The following BCL11B variants were observed in gnomAD, a reference collection of about 807,000 sequenced individuals.
BCL11B encodes the protein BCL11 transcription factor B, also known as B-cell lymphoma/leukemia 11B.
A neutral mutation model predicts 49.9 loss-of-function variants in BCL11B; 8 were observed. The ratio of observed to expected loss-of-function variants is 0.16; its 90% CI spans 0.09 to 0.29. The LOEUF is 0.29. BCL11B is among the 10% of genes least tolerant of loss of function. The pLI is 1.00. For missense variants in BCL11B, 1,006 were observed against 1,351.0 expected, an observed-to-expected ratio of 0.74 and a Z score of 4.00; for synonymous variants, 739 against 637.4, an observed-to-expected ratio of 1.16 and a Z score of -2.40.
intron 3 of BCL11B, among the ~76,000 whole-genome samples, chr14:99,212,090 A>G (rs1887704618): frequency 6.6e-6 from 1 of 151,978 alleles, no homozygotes. Context: ...CATCATCCCT[A>G]CACTTTGTCT....
At chr14:99,182,336 C>T (rs953459817) in intron 3 of BCL11B, among the ~76,000 whole-genome samples, 6 of 152,152 alleles carry the variant, frequency 3.9e-5, no homozygotes, top group African/African-American at 9.7e-5. Context: ...ATAGGGGATC[C>T]GCCTGGGGCT....
intron 3 of BCL11B, among the ~76,000 whole-genome samples, chr14:99,204,722 C>T (rs1409439900): frequency 2.0e-5 from 3 of 152,238 alleles, no homozygotes; most frequent in Non-Finnish European, 4.4e-5. Flanking sequence ...TTTTCCCCCA[C>T]ATCCAGACAG....
At chr14:99,230,995 G>C (rs538607019) in intron 3 of BCL11B, among the ~76,000 whole-genome samples, 3 of 152,308 alleles carry the variant, frequency 2.0e-5, no homozygotes, top group South Asian at 4.2e-4. Flanking sequence ...TGTCTGGGGT[G>C]GGGGAGGGGG....
chr14:99,174,714 A>G lies in BCL11B; in HGVS notation c.2122T>C (p.Tyr708His). 6.4e-7 allele frequency: 1 copy of G among 1,563,878 alleles called. No homozygotes were observed. The highest frequency in any genetic ancestry group is 8.6e-7 in the Non-Finnish European group (1 of 1,156,238). Residue 708 changes from tyrosine (Y) to histidine (H), a missense_variant, in exon 4 of 4, where the codon TAC (tyrosine) becomes CAC (histidine). Physicochemically the swap from Tyr to His is moderately conservative, Grantham distance 83 (BLOSUM62 2). This residue lies in a region of BCL11B where 443 missense variants were observed against 499.7 expected (regional missense o/e 0.89). Transcript: ENST00000357195. ...GCGTAGCCCACCAGCCACTGCGAGTACACGTTCTCGGACGGGATGAGCGCG... is the reference window on the plus strand; with the variant it reads ...GCGTAGCCCACCAGCCACTGCGAGTGCACGTTCTCGGACGGGATGAGCGCG... ...PAALIPSENV[Y>H]SQWLVGYAAS...
At position 99,255,405 on chromosome 14, in the gene BCL11B, GAAAAAAAAAAA is replaced by G. The variant is rs67440207; in HGVS notation, c.427+2055_427+2065del. Reference sequence around the variant, plus strand: ...TAGGCTGCTGCAGTATCACAACCTGGAAAAAAAAAAAAAAAAAAAAAAAAAAAAAACAGGGG... The same window carrying G: ...TAGGCTGCTGCAGTATCACAACCTGGAAAAAAAAAAAAAAAAAAACAGGGG... On this transcript the variant is annotated intron_variant, in intron 2 of 3. Transcript: ENST00000357195. Among the ~76,000 whole-genome samples, 422 of 65,174 alleles carry G rather than the reference GAAAAAAAAAAA, an allele frequency of 6.5e-3. 2 individuals are homozygous for G. The Middle Eastern group carries it at 0.069, about 11-fold the overall frequency. 42.8% of individuals were successfully genotyped at this position (65,174 alleles called of 152,430 possible). A position where few individuals can be genotyped will look rare whatever the true frequency, so the allele number is the denominator to read the frequency against.
At chr14:99,265,991 C>T (rs931307571) in intron 1 of BCL11B, among the ~76,000 whole-genome samples, 3 of 152,124 alleles carry the variant, frequency 2.0e-5, no homozygotes, top group Admixed American at 6.5e-5. Context: ...ATATATTCCC[C>T]ATCACTAGAT....
At chr14:99,210,936 T>C (rs1595249322) in intron 3 of BCL11B, among the ~76,000 whole-genome samples, 1 of 151,868 alleles carries the variant, frequency 6.6e-6, no homozygotes, top group East Asian at 1.9e-4. Context: ...ATAAGATCAA[T>C]AGACACCTTC....
Position 99,174,686 on chromosome 14 carries a change from G to T in BCL11B, c.2150C>A (p.Ala717Glu). Residue 717 changes from alanine to glutamate, a missense_variant, in exon 4 of 4, where the codon GCG becomes GAG. By Grantham distance (107) the Ala-to-Glu change is moderately radical. Coordinates refer to ENST00000357195, the MANE Select transcript of BCL11B (RefSeq NM_138576.4). Reference protein sequence around the residue: ...VYSQWLVGYAASRHFMKDPFL... With the variant: ...VYSQWLVGYAESRHFMKDPFL... ...GGGGTCCTTCATGAAGTGCCGCGAC[G>T]CCGCGTAGCCCACCAGCCACTGCGA... The T allele has an allele frequency of 1.9e-6, 3 of 1,574,882 alleles. No individual in the cohort carries two copies. Among genetic ancestry groups the T allele is most frequent in the Non-Finnish European group, 1.7e-6 (2 of 1,163,186 alleles).
At chr14:99,252,744 G>A (rs1283284599) in intron 2 of BCL11B, among the ~76,000 whole-genome samples, 1 of 152,248 alleles carries the variant, frequency 6.6e-6, no homozygotes, top group Non-Finnish European at 1.5e-5. Context: ...GACTTGGAGG[G>A]TTACGGAGGC....
rs1216488923 is a variant in BCL11B at position 99,271,305 on chromosome 14, T to TGCCGCCGCCGCCGCCGCCGCC, written c.-88_-87insGGCGGCGGCGGCGGCGGCGGC. On this transcript the variant is annotated 5_prime_UTR_variant, in exon 1 of 4. Transcript: ENST00000357195. Reference sequence around the variant, plus strand: ...GGGGTCCGAGCCGCCGCCGCGCCGCTGCCGCCGCTGCCGCCGCCGCCGCCG... The same window carrying TGCCGCCGCCGCCGCCGCCGCC: ...GGGGTCCGAGCCGCCGCCGCGCCGCTGCCGCCGCCGCCGCCGCCGCCGCCGCCGCTGCCGCCGCCGCCGCCG... 2 of 850,706 alleles carry TGCCGCCGCCGCCGCCGCCGCC rather than the reference T, an allele frequency of 2.4e-6. No individual in the cohort carries two copies. Among genetic ancestry groups the TGCCGCCGCCGCCGCCGCCGCC allele is most frequent in the Non-Finnish European group, 3.1e-6 (2 of 649,892 alleles). The allele number at this position is 850,706 out of a possible 1,614,324, so 52.7% of individuals were successfully genotyped here.
intron 1 of BCL11B, among the ~76,000 whole-genome samples, chr14:99,266,266 T>TAAAACAGCTAAACA (rs1595087049): frequency 6.6e-6 from 1 of 152,172 alleles, no homozygotes; most frequent in East Asian, 1.9e-4. Context: ...CAAGCTGTTT[T>TAAAACAGCTAAACA]AGGTACACGA....
At chr14:99,199,237 T>C (rs1887271574) in intron 3 of BCL11B, among the ~76,000 whole-genome samples, 1 of 152,196 alleles carries the variant, frequency 6.6e-6, no homozygotes, top group East Asian at 1.9e-4. Flanking sequence ...TCATTTTCAT[T>C]TCAATGTATT....
Position 99,194,387 on chromosome 14 carries a change from G to T in BCL11B, c.641-18192C>A, listed in dbSNP as rs1270071238. On this transcript the variant is annotated intron_variant, in intron 3 of 3. Transcript: ENST00000357195. This position sits in a 1 kb window ranked among gnomAD's most constrained non-coding sequence, Gnocchi z 4.6. The stretch of plus-strand genomic sequence containing the variant: ...CAGTGCTCCTGGACAACATCCCTAG[G>T]GGGTGGCAGGGCCAGGAAGATGCCT... Among the ~76,000 whole-genome samples the T allele has an allele frequency of 1.3e-5, 2 of 152,228 alleles. No homozygotes were observed. Among genetic ancestry groups the T allele is most frequent in the Non-Finnish European group, 2.9e-5 (2 of 68,042 alleles).
chr14:99,219,246 C>T (rs983295624), intron 3 of BCL11B, among the ~76,000 whole-genome samples: 3 of 152,046 alleles, frequency 2.0e-5, no homozygotes, highest in Non-Finnish European at 4.4e-5. Flanking sequence ...GTTGCCCAGG[C>T]TGGTCTTGAA....
chr14:99,230,292 A>T (rs1182167236), intron 3 of BCL11B, among the ~76,000 whole-genome samples: 5 of 152,202 alleles, frequency 3.3e-5, no homozygotes, highest in Non-Finnish European at 7.3e-5. Flanking sequence ...CCCAATAAAA[A>T]TAGTTTTCCT....
At chr14:99,233,018 C>T (rs1888383940) in intron 2 of BCL11B, among the ~76,000 whole-genome samples, 1 of 152,158 alleles carries the variant, frequency 6.6e-6, no homozygotes, top group African/African-American at 2.4e-5. Context: ...TATTTCTGAG[C>T]TGGGGATAGC....
intron 1 of BCL11B, among the ~76,000 whole-genome samples, chr14:99,268,117 A>G (rs1351207078): frequency 6.6e-6 from 1 of 151,844 alleles, no homozygotes; most frequent in Non-Finnish European, 1.5e-5. Context: ...TTTAAAAGCC[A>G]TATCCATCTG....
chr14:99,215,275 A>C (rs1261037643), intron 3 of BCL11B, among the ~76,000 whole-genome samples: 1 of 152,244 alleles, frequency 6.6e-6, no homozygotes, highest in East Asian at 1.9e-4. Flanking sequence ...TTTAATTAAA[A>C]CTAAGAAAAC....
In BCL11B at chr14:99,231,193, G is replaced by C. The variant is rs1449781618; in HGVS notation, c.640+152C>G. The C allele has an allele frequency of 4.6e-6, 4 of 861,328 alleles. No individual in the cohort carries two copies. Among genetic ancestry groups the C allele is most frequent in the Non-Finnish European group, 7.0e-6 (4 of 572,512 alleles). 53.4% of individuals were successfully genotyped at this position (861,328 alleles called of 1,614,324 possible). A position where few individuals can be genotyped will look rare whatever the true frequency, so the allele number is the denominator to read the frequency against. Reference sequence around the variant, plus strand: ...GCACCGGGCCCTGGCTCATAGTTCAGCGAACATTCTTTACCACTTCCCCTG... The same window carrying C: ...GCACCGGGCCCTGGCTCATAGTTCACCGAACATTCTTTACCACTTCCCCTG... On this transcript the variant is annotated intron_variant, in intron 3 of 3. Coordinates refer to ENST00000357195, the MANE Select transcript of BCL11B (RefSeq NM_138576.4). The surrounding 1 kb of genome is among the most constrained non-coding windows in gnomAD (Gnocchi z 8.1).
Sources: allele counts gnomAD v4.1 joint callset (sites outside exome capture counted in the v4.1 genomes callset), GRCh38; gene constraint gnomAD v4.1.1; regional missense constraint gnomAD v4.1.1; non-coding constraint Gnocchi (gnomAD v3.1); transcripts MANE v1.5; gene names NCBI Gene and HGNC (gene_info 2026-07-23, HGNC 2026-07-21).